The following NAV2 variants were observed in gnomAD, a reference collection of about 807,000 sequenced individuals.
NAV2 encodes neuron navigator 2, also known as helicase, APC down-regulated 1.
NAV2 carries 54 observed loss-of-function variants against 223.2 expected under a neutral mutation model. The ratio of observed to expected loss-of-function variants is 0.24; its 90% CI spans 0.19 to 0.30. NAV2 has a LOEUF of 0.30. Among genes scored for constraint, NAV2 ranks in the 10% least tolerant of loss-of-function variants. The pLI is 1.00. For missense variants in NAV2, 2,806 were observed against 3,147.5 expected (o/e 0.89, Z 2.60); for synonymous variants, 1,279 against 1,239.3 (o/e 1.03, Z -0.67).
chr11:19,566,031 GATTTTATTTTATTTTATTTT>G (rs56221634), intron 1 of NAV2, among the ~76,000 whole-genome samples: 13,009 of 138,546 alleles, frequency 0.094, 1,378 homozygotes, highest in African/African-American at 0.26. Flanking sequence ...TATCCAAGGA[GATTTTATTTTATTTTATTTT>G]ATTTTATTTT....
intron 10 of NAV2, among the ~76,000 whole-genome samples, chr11:19,968,370 C>T (rs2048949577): frequency 6.6e-6 from 1 of 152,126 alleles, no homozygotes; most frequent in Admixed American, 6.5e-5. Context: ...GCACATACCA[C>T]CACACTCAAC....
chr11:20,045,049 C>A lies in NAV2; in HGVS notation c.3281C>A (p.Ala1094Glu), dbSNP rs747695382. Reference sequence around the variant, plus strand: ...CAGGTGAAGCGCTCCCCATCAGATGCAGGCCGGAGCAGTGGTGACGAATCC... The same window carrying A: ...CAGGTGAAGCGCTCCCCATCAGATGAAGGCCGGAGCAGTGGTGACGAATCC... Reference protein sequence around the residue: ...ASQVKRSPSDAGRSSGDESKK... With the variant: ...ASQVKRSPSDEGRSSGDESKK... Residue 1094 changes from alanine (A) to glutamate (E), a missense_variant, in exon 14 of 38, where the codon GCA becomes GAA. Transcript: ENST00000349880. 1 of 1,614,146 alleles carries A rather than the reference C, an allele frequency of 6.2e-7. No individual in the cohort carries two copies. The highest frequency in any genetic ancestry group is 8.5e-7 in the Non-Finnish European group (1 of 1,180,024).
chr11:19,978,384 TCAA>T, intron 10 of NAV2, among the ~76,000 whole-genome samples: 1 of 152,326 alleles, frequency 6.6e-6, no homozygotes, highest in Non-Finnish European at 1.5e-5. Flanking sequence ...ATGACATTGC[TCAA>T]CAACAAGGGC....
chr11:19,675,642 T>C (rs2048693703), intron 1 of NAV2, among the ~76,000 whole-genome samples: 1 of 152,198 alleles, frequency 6.6e-6, no homozygotes, highest in Non-Finnish European at 1.5e-5. Context: ...GGTAGGAAGC[T>C]TCCTTCTATG....
chr11:19,525,234 G>A (rs1187294032), intron 1 of NAV2, among the ~76,000 whole-genome samples: 1 of 152,172 alleles, frequency 6.6e-6, no homozygotes, highest in Non-Finnish European at 1.5e-5. Flanking sequence ...GCACTGATTT[G>A]CCCAAGGACA....
intron 1 of NAV2, among the ~76,000 whole-genome samples, chr11:19,553,226 A>G (rs969752310): frequency 1.3e-5 from 2 of 152,182 alleles, no homozygotes; most frequent in Non-Finnish European, 2.9e-5. Flanking sequence ...ACCTTTGTCT[A>G]GAAAGCCCCA....
At chr11:19,917,299 A>C (rs2043887035) in intron 6 of NAV2, among the ~76,000 whole-genome samples, 1 of 152,208 alleles carries the variant, frequency 6.6e-6, no homozygotes, top group South Asian at 2.1e-4. Flanking sequence ...ACGCATTCAC[A>C]GCAAGCATTT....
At chr11:19,477,360 T>C (rs2632031) in intron 1 of NAV2, among the ~76,000 whole-genome samples, 82,335 of 152,128 alleles carry the variant, frequency 0.54, 22,279 homozygotes, top group Admixed American at 0.58. Flanking sequence ...GTTTGCATTA[T>C]TTATTATATT....
chr11:19,430,584 C>T (rs904850701), intron 1 of NAV2, among the ~76,000 whole-genome samples: 1 of 152,240 alleles, frequency 6.6e-6, no homozygotes, highest in Non-Finnish European at 1.5e-5. Context: ...GTTTATTTTA[C>T]ACACACTTTC....
rs1851960266 is a variant in NAV2 at position 19,456,400 on chromosome 11, G to GT, written c.75+105373_75+105374insT. On this transcript the variant is annotated intron_variant, in intron 1 of 37. Transcript: ENST00000360655. ...GTCTATTGTGTGGAACAACCTTGCA[G>GT]AGTAGCTATTATTATCCCTACTTCA... Among the ~76,000 whole-genome samples, 3 of 152,192 alleles carry GT rather than the reference G, an allele frequency of 2.0e-5. No homozygotes were observed. The South Asian group carries it at 6.2e-4, about 32-fold the overall frequency.
At chr11:19,536,829 T>A (rs1033541719) in intron 1 of NAV2, among the ~76,000 whole-genome samples, 1 of 152,206 alleles carries the variant, frequency 6.6e-6, no homozygotes, top group African/African-American at 2.4e-5. Context: ...GGAGCCATTC[T>A]TACCATTCCC....
chr11:19,616,472 T>C (rs2046797465), intron 1 of NAV2, among the ~76,000 whole-genome samples: 1 of 151,992 alleles, frequency 6.6e-6, no homozygotes, highest in Non-Finnish European at 1.5e-5. Context: ...TTCACTTCTG[T>C]TGTTGAGACT....
intron 11 of NAV2, among the ~76,000 whole-genome samples, chr11:19,997,149 A>G (rs1469418757): frequency 1.3e-5 from 2 of 152,178 alleles, no homozygotes; most frequent in Non-Finnish European, 2.9e-5. Flanking sequence ...GAACAGAACC[A>G]CAGGCCATTG....
intron 11 of NAV2, among the ~76,000 whole-genome samples, chr11:20,020,424 C>T (rs943454871): frequency 1.3e-5 from 2 of 152,224 alleles, no homozygotes; most frequent in African/African-American, 2.4e-5. Context: ...TCTTGAAAAG[C>T]GCCAAAGGGC....
At chr11:19,687,445 G>A (rs1168362998) in intron 1 of NAV2, among the ~76,000 whole-genome samples, 1 of 152,148 alleles carries the variant, frequency 6.6e-6, no homozygotes, top group Non-Finnish European at 1.5e-5. Context: ...ATCTCAAAGT[G>A]AACACACCTG....
At chr11:19,648,751 T>A (rs1220280959) in intron 1 of NAV2, among the ~76,000 whole-genome samples, 2 of 152,212 alleles carry the variant, frequency 1.3e-5, no homozygotes, top group Non-Finnish European at 2.9e-5. Flanking sequence ...TATCTGTCCT[T>A]TGAAAATTAT....
chr11:19,397,418 T>TGTGTGTGTGTGTGTGTGTGTGTGC (rs57566081), intron 1 of NAV2, among the ~76,000 whole-genome samples: 2,187 of 145,184 alleles, frequency 0.015, 40 homozygotes, highest in Non-Finnish European at 0.023. Context: ...TGTGTGTGTG[T>TGTGTGTGTGTGTGTGTGTGTGTGC]GCGCGCATGT....
At chr11:19,673,507 A>G (rs61876725) in intron 1 of NAV2, among the ~76,000 whole-genome samples, 7,069 of 152,170 alleles carry the variant, frequency 0.046, 232 homozygotes, top group Middle Eastern at 0.085. Flanking sequence ...TCCTCTCACC[A>G]CCCTGTGAGC....
At chr11:19,741,473 G>A (rs924142668) in intron 1 of NAV2, among the ~76,000 whole-genome samples, 2 of 142,596 alleles carry the variant, frequency 1.4e-5, no homozygotes, top group African/African-American at 5.2e-5. Flanking sequence ...CTGCTTCTAT[G>A]AGCCTGGCTT....
Sources: gnomAD v4.1 joint callset for allele counts (sites outside exome capture counted in the v4.1 genomes callset) on GRCh38, gnomAD v4.1.1 for gene constraint, MANE v1.5 for transcripts, NCBI Gene and HGNC (gene_info 2026-07-23, HGNC 2026-07-21) for gene names.